CFAP58: variants seen among roughly 807,000 people sequenced by gnomAD.
CFAP58 encodes the protein cilia- and flagella-associated protein 58.
Under a neutral mutation model 119.5 loss-of-function variants are expected in CFAP58, and 88 were observed. That is an observed-to-expected ratio of 0.74 (90% CI 0.62 to 0.88). The LOEUF is 0.88. Among genes scored for constraint, CFAP58 ranks in the 40% least tolerant of loss-of-function variants. The pLI is 0.00. For missense variants in CFAP58, 990 were observed against 1,021.2 expected (o/e 0.97, Z 0.42); for synonymous variants, 365 against 366.3 (o/e 1.00, Z 0.04).
At position 104,377,195 on chromosome 10, in the gene CFAP58, C is replaced by T. The variant is rs538674844; in HGVS notation, c.1173+302C>T. 2.0e-5 allele frequency among the ~76,000 whole-genome samples: 3 copies of T among 152,272 alleles called. No homozygotes were observed. In the South Asian group the frequency reaches 6.2e-4, roughly 32 times the overall value. ...CATTGCTGGTGTGCTATTTGGCATC[C>T]TAAGCAGTTTATCAACATTTCTGAA... On this transcript the variant is annotated intron_variant, in intron 8 of 17. Transcript: ENST00000369704.
intron 9 of CFAP58, 90 bp downstream of exon 9, chr10:104,380,310 A>G: frequency 8.3e-7 from 1 of 1,202,686 alleles, no homozygotes; most frequent in East Asian, 2.4e-5. Flanking sequence ...AAGAGAATTT[A>G]TTCAGATTTC....
chr10:104,358,625 C>T lies in CFAP58; in HGVS notation c.291+3C>T. On this transcript the variant is annotated splice_donor_region_variant and intron_variant, in intron 2 of 17. Transcript: ENST00000369704. ...CCACCATTGCATCCCTAAAGAAGGT[C>T]AGTGATCTTCTAGAAATGGAATGAA... 1.2e-6 allele frequency: 2 copies of T among 1,603,810 alleles called. No homozygotes were observed. Among genetic ancestry groups the T allele is most frequent in the African/African-American group, 1.3e-5 (1 of 74,612 alleles).
At chr10:104,399,084 C>T (rs1176821553) in intron 11 of CFAP58, among the ~76,000 whole-genome samples, 1 of 151,972 alleles carries the variant, frequency 6.6e-6, no homozygotes, top group Non-Finnish European at 1.5e-5. Context: ...GAAGCCCCTG[C>T]TACACATATA....
rs2014676213 is a variant in CFAP58, at chr10:104,362,184, C to G, written c.440+13C>G. 2 of 1,603,372 alleles carry G rather than the reference C, an allele frequency of 1.2e-6. No individual in the cohort carries two copies. Among genetic ancestry groups the G allele is most frequent in the South Asian group, 1.1e-5 (1 of 89,266 alleles). On this transcript the variant is annotated intron_variant, in intron 3 of 17. Transcript: ENST00000369704. ...ACCAGCATAGCAAGTAGGTCATAGC[C>G]TTGTTGATGTATGTTAAACTTGCTT...
At chr10:104,445,824 C>A (rs535349309) in intron 15 of CFAP58, among the ~76,000 whole-genome samples, 3 of 152,350 alleles carry the variant, frequency 2.0e-5, no homozygotes, top group African/African-American at 7.2e-5. Flanking sequence ...TTCAAACTTT[C>A]TTCTCTGTGT....
intron 15 of CFAP58, among the ~76,000 whole-genome samples, chr10:104,416,245 G>A (rs2093707069): frequency 6.6e-6 from 1 of 152,208 alleles, no homozygotes; most frequent in Non-Finnish European, 1.5e-5. Context: ...CTAATGAACA[G>A]TGACACGGAA....
intron 15 of CFAP58, among the ~76,000 whole-genome samples, chr10:104,415,199 T>A (rs2012530138): frequency 6.6e-6 from 1 of 151,920 alleles, no homozygotes; most frequent in Admixed American, 6.6e-5. Flanking sequence ...AATCAGACAC[T>A]GAGACAGAGA....
chr10:104,374,525 C>G (rs981538142), intron 7 of CFAP58, among the ~76,000 whole-genome samples: 1 of 133,352 alleles, frequency 7.5e-6, no homozygotes, highest in Non-Finnish European at 1.6e-5. Flanking sequence ...TGGCAAAGGG[C>G]AAATTGGGCA....
At chr10:104,371,551 T>C (rs1157662594) in intron 7 of CFAP58, among the ~76,000 whole-genome samples, 5 of 152,074 alleles carry the variant, frequency 3.3e-5, no homozygotes, top group Non-Finnish European at 7.4e-5. Context: ...AACCGACCTG[T>C]GAAGGGAAAA....
chr10:104,400,566 GGTGCCCAGTACATGTGGGC>G lies in CFAP58; in HGVS notation c.1816-111_1816-93del. ...GCTCTTTCCAGTGCCCAGCCCATGTGGTGCCCAGTACATGTGGGCGTTCAATAGATACTCATTGAATGAA... is the reference window on the plus strand; with the variant it reads ...GCTCTTTCCAGTGCCCAGCCCATGTGGTTCAATAGATACTCATTGAATGAA... On this transcript the variant is annotated intron_variant, in intron 12 of 17. Transcript: ENST00000369704. 3 of 823,400 alleles carry G rather than the reference GGTGCCCAGTACATGTGGGC, an allele frequency of 3.6e-6. No individual in the cohort carries two copies. The South Asian group carries it at 4.6e-5, about 13-fold the overall frequency. The allele number at this position is 823,400 out of a possible 1,614,324, so 51.0% of individuals were successfully genotyped here. A position where few individuals can be genotyped will look rare whatever the true frequency, so the allele number is the denominator to read the frequency against.
intron 5 of CFAP58, among the ~76,000 whole-genome samples, chr10:104,367,983 A>G (rs1320618713): frequency 6.6e-6 from 1 of 152,258 alleles, no homozygotes. Context: ...AGTTCTGTTG[A>G]CAAAAATGTT....
intron 8 of CFAP58, among the ~76,000 whole-genome samples, chr10:104,378,365 T>C (rs948323796): frequency 6.6e-6 from 1 of 152,220 alleles, no homozygotes; most frequent in Non-Finnish European, 1.5e-5. Context: ...AAAAAAAAGT[T>C]GATCTTTTCT....
chr10:104,357,890 A>G (rs2007690), intron 1 of CFAP58, among the ~76,000 whole-genome samples: 1 of 132,452 alleles, frequency 7.5e-6, no homozygotes, highest in Non-Finnish European at 1.6e-5. Flanking sequence ...CACATATATA[A>G]ACATATATGT....
chr10:104,365,100 G>A (rs1436870536), intron 4 of CFAP58, among the ~76,000 whole-genome samples: 1 of 152,142 alleles, frequency 6.6e-6, no homozygotes, highest in Admixed American at 6.5e-5. Flanking sequence ...TGCATTCTCT[G>A]TCTGAGAAGT....
At position 104,392,233 on chromosome 10, in the gene CFAP58, G is replaced by T. The variant is rs2012060825; in HGVS notation, c.1366G>T (p.Val456Phe). The T allele has an allele frequency of 6.2e-7, 1 of 1,610,368 alleles. No individual in the cohort carries two copies. The highest frequency in any genetic ancestry group is 8.5e-7 in the Non-Finnish European group (1 of 1,178,762). The part of the protein sequence containing the change: ...INQASDLTQK[V>F]LMNMEDIKVR... ...ATTCATATATGTCTTTCTCCTCCAG[G>T]TCCTTATGAACATGGAAGACATAAA... is the stretch of plus-strand genomic sequence containing the variant. The change falls in exon 10 of 18, where the codon GTC becomes TTC. Residue 456 changes from valine to phenylalanine, a missense_variant and splice_region_variant. Transcript: ENST00000369704.
At chr10:104,404,342 A>C (rs2012320959) in intron 14 of CFAP58, among the ~76,000 whole-genome samples, 2 of 152,216 alleles carry the variant, frequency 1.3e-5, no homozygotes, top group South Asian at 4.1e-4. Context: ...CTAAAGTCCC[A>C]TTGGTAGGGG....
chr10:104,409,599 C>T (rs2012426688), intron 15 of CFAP58, among the ~76,000 whole-genome samples: 1 of 152,084 alleles, frequency 6.6e-6, no homozygotes, highest in Non-Finnish European at 1.5e-5. Flanking sequence ...CTTATTTCTC[C>T]TTCTCTCTGA....
intron 15 of CFAP58, among the ~76,000 whole-genome samples, chr10:104,429,778 G>A (rs188844523): frequency 3.3e-5 from 5 of 152,212 alleles, no homozygotes; most frequent in East Asian, 3.9e-4. Context: ...CTACCTACCC[G>A]GGTTGACTCT....
At chr10:104,348,284 AG>A in the CFAP58 span, among the ~76,000 whole-genome samples, 4 of 152,240 alleles carry the variant, frequency 2.6e-5, no homozygotes, top group Admixed American at 6.5e-5. Flanking sequence ...ATTACAGGCT[AG>A]GAATTTACAT....
Sources: gnomAD v4.1 joint callset for allele counts (sites outside exome capture counted in the v4.1 genomes callset) on GRCh38, gnomAD v4.1.1 for gene constraint, MANE v1.5 for transcripts, NCBI Gene and HGNC (gene_info 2026-07-23, HGNC 2026-07-21) for gene names.